Variants in HAO2 observed in about 807,000 individuals in gnomAD.
The protein encoded by HAO2 is 2-Hydroxyacid oxidase 2.
In HAO2, 42 loss-of-function variants were observed where a neutral mutation model predicts 37.4. The observed-to-expected ratio is 1.12, with a 90% CI of 0.88 to 1.45. The LOEUF is 1.45. HAO2 is among the 40% of genes most tolerant of loss of function. The pLI is 0.00. For synonymous variants in HAO2, 180 were observed against 162.8 expected, an observed-to-expected ratio of 1.11 and a Z score of -0.81; for missense variants, 476 against 430.2, an observed-to-expected ratio of 1.11 and a Z score of -0.94.
At chr1:119,371,239 T>C (rs1648975782) in intron 1 of HAO2, among the ~76,000 whole-genome samples, 1 of 152,216 alleles carries the variant, frequency 6.6e-6, no homozygotes, top group Non-Finnish European at 1.5e-5. Flanking sequence ...TCTGTTGCAT[T>C]AGCTTGGATA....
chr1:119,381,234 C>T lies in HAO2; in HGVS notation c.131+18C>T, dbSNP rs1312774318. The stretch of plus-strand genomic sequence containing the variant: ...TTTAAAAGGTGTGGTCTTCTGTAGC[C>T]TGTCTATTGTTAGGTTAAGGTGCAC... On this transcript the variant is annotated intron_variant, in intron 2 of 7. Coordinates refer to ENST00000325945, the MANE Select transcript of HAO2 (RefSeq NM_016527.4). The T allele has an allele frequency of 6.3e-7, 1 of 1,595,798 alleles. No homozygotes were observed. The highest frequency in any genetic ancestry group is 8.6e-7 in the Non-Finnish European group (1 of 1,163,344).
rs1451925542 is a variant in HAO2, at chr1:119,381,201, T to C, written c.116T>C (p.Ile39Thr). 4 of 1,611,416 alleles carry C rather than the reference T, an allele frequency of 2.5e-6. No homozygotes were observed. Among genetic ancestry groups the C allele is most frequent in the South Asian group, 1.1e-5 (1 of 91,022 alleles). ...ADDSITRDDN[I>T]AAFKRIRLRP... ...GACAGCATCACGCGGGATGACAACA[T>C]TGCAGCATTTAAAAGGTGTGGTCTT... Residue 39 changes from isoleucine (I) to threonine (T), a missense_variant, in exon 2 of 8, where the codon ATT (isoleucine) becomes ACT (threonine). Physicochemically the swap from Ile to Thr is moderately conservative, Grantham distance 89. Coordinates refer to ENST00000325945, the MANE Select transcript of HAO2 (RefSeq NM_016527.4).
intron 1 of HAO2, chr1:119,380,754 T>C (rs374382448): frequency 1.2e-5 from 18 of 1,443,718 alleles, no homozygotes; most frequent in Non-Finnish European, 1.7e-5. Context: ...TTTTTTGTAA[T>C]AAGCTTTTAA....
intron 1 of HAO2, chr1:119,380,769 T>G (rs1390772877): frequency 4.1e-6 from 5 of 1,232,266 alleles, no homozygotes; most frequent in Non-Finnish European, 6.0e-6. Context: ...TTTTAAGAAG[T>G]GGTGGGGCCT....
chr1:119,381,016 TC>T (rs1649881618), intron 1 of HAO2, 61 bp from the exon 2 acceptor site: 1 of 1,435,788 alleles, frequency 7.0e-7, no homozygotes, highest in African/African-American at 1.4e-5. Flanking sequence ...CCCCTTCATT[TC>T]CTTTTCTGCA....
intron 7 of HAO2, among the ~76,000 whole-genome samples, chr1:119,393,450 A>G (rs1471865160): frequency 6.6e-6 from 1 of 152,160 alleles, no homozygotes; most frequent in Non-Finnish European, 1.5e-5. Flanking sequence ...TCCCGAAAAG[A>G]TACTTCCTAT....
intron 6 of HAO2, 73 bp downstream of exon 6, chr1:119,392,341 T>C: frequency 1.6e-6 from 2 of 1,257,104 alleles, no homozygotes; most frequent in Non-Finnish European, 2.2e-6. Flanking sequence ...CTGTGGTTCA[T>C]TTTCCAAGCT....
rs182189845 is a variant in HAO2 at position 119,369,598 on chromosome 1, T to C, written c.-9+696T>C. On this transcript the variant is annotated intron_variant, in intron 1 of 7. Coordinates refer to ENST00000325945, the MANE Select transcript of HAO2 (RefSeq NM_016527.4). The stretch of plus-strand genomic sequence containing the variant: ...TTAACTACTACTATATTCTGCATTT[T>C]ACAAGATCCTTCAATTCTCACAAGA... 5.3e-5 allele frequency among the ~76,000 whole-genome samples: 8 copies of C among 152,368 alleles called. No homozygotes were observed. The East Asian group carries it at 7.7e-4, about 15-fold the overall frequency.
intron 4 of HAO2, chr1:119,385,457 T>C: frequency 2.6e-6 from 2 of 779,934 alleles, no homozygotes; most frequent in African/African-American, 1.9e-5. Context: ...AAACTGACTC[T>C]CCAAAGGGGA....
Position 119,393,834 on chromosome 1 carries a change from G to A in HAO2, c.1050G>A (p.Arg350=). 1 of 1,613,062 alleles carries A rather than the reference G, an allele frequency of 6.2e-7. No individual in the cohort carries two copies. The highest frequency in any genetic ancestry group is 8.5e-7 in the Non-Finnish European group (1 of 1,179,276). The change falls in exon 8 of 8, where the codon AGG becomes AGA. Residue 350 remains arginine, a synonymous_variant. Transcript: ENST00000325945. ...ATCGAAACTTGGTCCAGTTTTCCAG[G>A]CTGTAAGAAAAAAGGGCCAATAACC... ...EINRNLVQFS[R]L is the part of the protein sequence containing the mutation.
At chr1:119,384,033 T>TTC (rs888621722) in intron 3 of HAO2, among the ~76,000 whole-genome samples, 1 of 152,194 alleles carries the variant, frequency 6.6e-6, no homozygotes, top group African/African-American at 2.4e-5. Context: ...TTAGCCCAAA[T>TTC]TCTCTGCCCA....
intron 1 of HAO2, among the ~76,000 whole-genome samples, chr1:119,374,611 A>G (rs1462486318): frequency 6.6e-6 from 1 of 152,206 alleles, no homozygotes; most frequent in Non-Finnish European, 1.5e-5. Context: ...GAGTCATCAG[A>G]GGCTGACTTT....
intron 5 of HAO2, 82 bp downstream of exon 5, chr1:119,386,913 G>A (rs1016213641): frequency 4.2e-5 from 36 of 857,262 alleles, no homozygotes; most frequent in Non-Finnish European, 6.8e-5. Context: ...AAGGGACTCT[G>A]TGAAATCTGA....
At chr1:119,388,981 C>T (rs1459412592) in intron 5 of HAO2, among the ~76,000 whole-genome samples, 1 of 149,778 alleles carries the variant, frequency 6.7e-6, no homozygotes, top group Non-Finnish European at 1.5e-5. Flanking sequence ...TATGCCTTTG[C>T]ATCCTCATAG....
rs1272254756 is a variant in HAO2 at position 119,385,042 on chromosome 1, T to G, written c.550T>G (p.Ser184Ala). The G allele has an allele frequency of 6.2e-7, 1 of 1,611,508 alleles. No individual in the cohort carries two copies. Among genetic ancestry groups the G allele is most frequent in the Non-Finnish European group, 8.5e-7 (1 of 1,178,148 alleles). Reference sequence around the variant, plus strand: ...GAACTTAACACTAACAGATCTTCAATCACCTAAAAAGGTAAGAAAGATACC... The same window carrying G: ...GAACTTAACACTAACAGATCTTCAAGCACCTAAAAAGGTAAGAAAGATACC... ...RRNLTLTDLQ[S>A]PKKGNAIPYF... The change falls in exon 4 of 8, where the codon TCA (serine) becomes GCA (alanine). Residue 184 changes from serine to alanine, a missense_variant. Ser to Ala is a moderately conservative substitution (Grantham distance 99). Coordinates refer to ENST00000325945, the MANE Select transcript of HAO2 (RefSeq NM_016527.4).
chr1:119,392,264 GC>G lies in HAO2; in HGVS notation c.927del (p.Cys309Ter). On this transcript the variant is annotated frameshift_variant, in exon 6 of 8. Coordinates refer to ENST00000325945, the MANE Select transcript of HAO2 (RefSeq NM_016527.4). LOFTEE classifies it high-confidence loss of function. ...AGACCAATCCTATGGGGCCTTGCCT[GC>G]AAGGTGAGAGTGGCAAAGCAAACCA... The part of the protein sequence containing the change: ...LGRPILWGLA[C>X]KGEHGVKEVL... 6.2e-7 allele frequency: 1 copy of G among 1,608,876 alleles called. No individual in the cohort carries two copies. The highest frequency in any genetic ancestry group is 8.5e-7 in the Non-Finnish European group (1 of 1,177,478).
chr1:119,380,771 G>A, intron 1 of HAO2: 3 of 1,230,492 alleles, frequency 2.4e-6, no homozygotes, highest in Non-Finnish European at 3.6e-6. Flanking sequence ...TTAAGAAGTG[G>A]TGGGGCCTCA....
intron 5 of HAO2, among the ~76,000 whole-genome samples, chr1:119,389,940 T>C: frequency 6.6e-6 from 1 of 152,188 alleles, no homozygotes; most frequent in East Asian, 1.9e-4. Flanking sequence ...ATTAAGTCCT[T>C]GATCCATCTT....
chr1:119,381,003 C>T, intron 1 of HAO2, 75 bp from the exon 2 acceptor site: 1 of 1,243,672 alleles, frequency 8.0e-7, no homozygotes, highest in Non-Finnish European at 1.2e-6. Flanking sequence ...CATACTGCAG[C>T]TTCCCCTTCA....
Sources: allele counts gnomAD v4.1 joint callset (sites outside exome capture counted in the v4.1 genomes callset), GRCh38; gene constraint gnomAD v4.1.1; transcripts MANE v1.5; gene names NCBI Gene and HGNC (gene_info 2026-07-23, HGNC 2026-07-21).